ZEB1: variants seen among roughly 807,000 people sequenced by gnomAD.
The protein encoded by ZEB1 is zinc finger E-box binding homeobox 1.
Under a neutral mutation model 84.9 loss-of-function variants are expected in ZEB1, and 21 were observed. The ratio of observed to expected loss-of-function variants is 0.25; its 90% CI spans 0.18 to 0.36. The LOEUF is 0.36. Among genes scored for constraint, ZEB1 ranks in the 10% least tolerant of loss-of-function variants. ZEB1 has a pLI of 1.00. For missense variants in ZEB1, 1,104 were observed against 1,330.2 expected (o/e 0.83, Z 2.65); for synonymous variants, 420 against 471.1 (o/e 0.89, Z 1.41).
At chr10:31,372,885 T>C in intron 1 of ZEB1, 1 of 525,500 alleles carries the variant, frequency 1.9e-6, no homozygotes, top group Non-Finnish European at 2.4e-6. Context: ...TATTATAGCA[T>C]GTCTTCTCAA....
At chr10:31,499,869 T>G (rs914097537) in intron 3 of ZEB1, among the ~76,000 whole-genome samples, 1 of 152,110 alleles carries the variant, frequency 6.6e-6, no homozygotes, top group South Asian at 2.1e-4. Flanking sequence ...ATTATGTAGA[T>G]CGAATCTAAT....
chr10:31,446,761 C>T (rs2059837311), intron 1 of ZEB1, among the ~76,000 whole-genome samples: 1 of 151,136 alleles, frequency 6.6e-6, no homozygotes, highest in African/African-American at 2.4e-5. Flanking sequence ...AGTTTGATTG[C>T]ACTGTGGTCT....
chr10:31,391,961 A>G (rs2049823740), intron 1 of ZEB1, among the ~76,000 whole-genome samples: 1 of 152,224 alleles, frequency 6.6e-6, no homozygotes, highest in Non-Finnish European at 1.5e-5. Flanking sequence ...TTTTACTGAT[A>G]AACTGAAGTT....
intron 1 of ZEB1, among the ~76,000 whole-genome samples, chr10:31,344,028 A>G (rs1305480168): frequency 1.3e-5 from 2 of 152,092 alleles, no homozygotes; most frequent in African/African-American, 4.8e-5. Context: ...GGCTAAGTGT[A>G]GGTGGACTTT....
Position 31,452,701 on chromosome 10 carries a change from A to ATGTGTGTGTG in ZEB1, c.59-8303_59-8294dup, listed in dbSNP as rs377004895. Among the ~76,000 whole-genome samples the ATGTGTGTGTG allele has an allele frequency of 3.8e-3, 341 of 90,294 alleles. 2 individuals are homozygous for ATGTGTGTGTG. The highest frequency in any genetic ancestry group is 0.011 in the South Asian group (18 of 1,682). 59.2% of individuals were successfully genotyped at this position (90,294 alleles called of 152,430 possible). A position where few individuals can be genotyped will look rare whatever the true frequency, so the allele number is the denominator to read the frequency against. On this transcript the variant is annotated intron_variant, in intron 1 of 8. Coordinates refer to ENST00000424869, the MANE Select transcript of ZEB1 (RefSeq NM_001174096.2). ...TGCCAGTGACTGTATTTAGGATAAA[A>ATGTGTGTGTG]TGTGTGTGTGTGTGTGTGTGTGTGT... is the stretch of plus-strand genomic sequence containing the variant.
intron 1 of ZEB1, among the ~76,000 whole-genome samples, chr10:31,377,637 C>T (rs2046887268): frequency 6.6e-6 from 1 of 151,682 alleles, no homozygotes; most frequent in Admixed American, 6.6e-5. Flanking sequence ...CTCAGATATT[C>T]CCACATAAAT....
intron 1 of ZEB1, among the ~76,000 whole-genome samples, chr10:31,325,967 G>A (rs1445012609): frequency 8.0e-6 from 1 of 124,878 alleles, no homozygotes; most frequent in Non-Finnish European, 1.8e-5. Flanking sequence ...TTGGTTTTGG[G>A]TTTTTTTTTT....
chr10:31,452,496 C>T (rs2060679541), intron 1 of ZEB1, among the ~76,000 whole-genome samples: 1 of 152,080 alleles, frequency 6.6e-6, no homozygotes, highest in Non-Finnish European at 1.5e-5. Flanking sequence ...CATGACCTCT[C>T]CATTCCATTT....
intron 1 of ZEB1, among the ~76,000 whole-genome samples, chr10:31,453,234 G>T (rs2060813055): frequency 6.6e-6 from 1 of 152,156 alleles, no homozygotes; most frequent in African/African-American, 2.4e-5. Context: ...AGGTAAAAAT[G>T]TGGCCTTCGC....
chr10:31,322,751 CTTT>C (rs34285204), intron 1 of ZEB1, among the ~76,000 whole-genome samples: 56 of 145,582 alleles, frequency 3.8e-4, no homozygotes, highest in East Asian at 2.6e-3. Context: ...CTTGTTCTAC[CTTT>C]TTTTTTTTTG....
intron 4 of ZEB1, among the ~76,000 whole-genome samples, chr10:31,504,210 AGT>A (rs2068565699): frequency 6.6e-6 from 1 of 151,880 alleles, no homozygotes; most frequent in Admixed American, 6.6e-5. Flanking sequence ...TTTATTGGAG[AGT>A]GTGTCCTTTT....
chr10:31,390,745 C>T (rs577892756), intron 1 of ZEB1, among the ~76,000 whole-genome samples: 5 of 152,240 alleles, frequency 3.3e-5, no homozygotes, highest in East Asian at 1.9e-4. Context: ...AGGCTTACTT[C>T]GTTACAAGTA....
chr10:31,356,257 ATATAGGGAG>A (rs2042102267), intron 1 of ZEB1, among the ~76,000 whole-genome samples: 1 of 152,050 alleles, frequency 6.6e-6, no homozygotes, highest in South Asian at 2.1e-4. Flanking sequence ...TCATTAACTA[ATATAGGGAG>A]TATAGGGAGA....
chr10:31,429,016 A>G (rs1390225243), intron 1 of ZEB1, among the ~76,000 whole-genome samples: 1 of 152,082 alleles, frequency 6.6e-6, no homozygotes, highest in Non-Finnish European at 1.5e-5. Flanking sequence ...TTTTTTATCC[A>G]GTTTGCCATC....
At chr10:31,456,513 ATTG>A (rs1338831277) in intron 1 of ZEB1, among the ~76,000 whole-genome samples, 1 of 152,156 alleles carries the variant, frequency 6.6e-6, no homozygotes, top group South Asian at 2.1e-4. Flanking sequence ...GCAGTGGTAA[ATTG>A]TTAAGTATGG....
At chr10:31,474,210 G>T (rs955722100) in intron 2 of ZEB1, among the ~76,000 whole-genome samples, 37 of 151,992 alleles carry the variant, frequency 2.4e-4, no homozygotes, top group Non-Finnish European at 3.5e-4. Context: ...ATTGACAAAT[G>T]GGATCTAATT....
intron 1 of ZEB1, among the ~76,000 whole-genome samples, chr10:31,336,631 C>A (rs2038127611): frequency 1.3e-5 from 2 of 151,988 alleles, no homozygotes; most frequent in South Asian, 4.1e-4. Context: ...AATCTACCAC[C>A]CAGGGAAATA....
At chr10:31,404,375 A>G (rs989257703) in intron 1 of ZEB1, among the ~76,000 whole-genome samples, 1 of 152,150 alleles carries the variant, frequency 6.6e-6, no homozygotes, top group African/African-American at 2.4e-5. Flanking sequence ...GCACTTGCCT[A>G]TGCAAGTATT....
chr10:31,478,835 A>G (rs979949397), intron 2 of ZEB1, among the ~76,000 whole-genome samples: 1 of 151,888 alleles, frequency 6.6e-6, no homozygotes, highest in African/African-American at 2.4e-5. Context: ...AGATGTAAAT[A>G]TCAGACGTTG....
Sources: allele counts gnomAD v4.1 joint callset (sites outside exome capture counted in the v4.1 genomes callset), GRCh38; gene constraint gnomAD v4.1.1; transcripts MANE v1.5; gene names NCBI Gene and HGNC (gene_info 2026-07-23, HGNC 2026-07-21).